Variants in PLXDC1 observed in about 807,000 individuals in gnomAD.
The protein encoded by PLXDC1 is plexin domain-containing protein 1.
PLXDC1 carries 39 observed loss-of-function variants against 61.3 expected under a neutral mutation model. The observed-to-expected ratio is 0.64, with a 90% CI of 0.49 to 0.83. The LOEUF (loss-of-function observed/expected upper bound fraction) is 0.83, where lower values mean the gene tolerates loss of function less well. PLXDC1 is among the 40% of genes least tolerant of loss of function. The pLI is 0.00. For synonymous variants in PLXDC1, 212 were observed against 254.5 expected, an observed-to-expected ratio of 0.83 and a Z score of 1.59; for missense variants, 596 against 666.5, an observed-to-expected ratio of 0.89 and a Z score of 1.17.
At chr17:39,146,948 A>AT (rs869300584) in intron 1 of PLXDC1, among the ~76,000 whole-genome samples, 1,159 of 74,416 alleles carry the variant, frequency 0.016, 24 homozygotes, top group Admixed American at 0.02. Flanking sequence ...ACAGGAAATG[A>AT]TTTTTTTTTT....
intron 9 of PLXDC1, 117 bp downstream of exon 9, chr17:39,083,342 G>A (rs1464893275): frequency 6.6e-5 from 51 of 770,552 alleles, no homozygotes; most frequent in Non-Finnish European, 3.4e-5. Context: ...AGTGGTACTG[G>A]CCAGAGATAC....
intron 7 of PLXDC1, 147 bp from the exon 8 acceptor site, chr17:39,087,849 G>A (rs1598190301): frequency 1.5e-6 from 1 of 649,960 alleles, no homozygotes; most frequent in East Asian, 2.7e-5. Context: ...TGGCGCTGCT[G>A]GAGACAGGGA....
At chr17:39,071,345 A>G (rs1367800475) in intron 12 of PLXDC1, among the ~76,000 whole-genome samples, 1 of 117,976 alleles carries the variant, frequency 8.5e-6, no homozygotes, top group Non-Finnish European at 1.6e-5. Flanking sequence ...GGCAACAAAA[A>G]TGTTGCATTC....
chr17:39,117,723 C>T (rs1911023258), intron 2 of PLXDC1, among the ~76,000 whole-genome samples: 1 of 152,196 alleles, frequency 6.6e-6, no homozygotes, highest in African/African-American at 2.4e-5. Flanking sequence ...GCCTGGGCAA[C>T]AGAGCAAGAC....
chr17:39,122,542 C>T (rs1485368197), intron 2 of PLXDC1, among the ~76,000 whole-genome samples: 1 of 152,186 alleles, frequency 6.6e-6, no homozygotes, highest in Non-Finnish European at 1.5e-5. Flanking sequence ...AGGCCCCCAA[C>T]ACCAGGCCAG....
chr17:39,063,558 G>A lies in PLXDC1; in HGVS notation c.*4282C>T, dbSNP rs1908787586. The A allele has an allele frequency of 1.4e-6, 1 of 695,788 alleles. No individual in the cohort carries two copies. The allele number at this position is 695,788 out of a possible 1,614,324, so 43.1% of individuals were successfully genotyped here. A position where few individuals can be genotyped will look rare whatever the true frequency, so the allele number is the denominator to read the frequency against. ...CCATCAGAACCAAGGTATGTGTGGT[G>A]ATCTTCGGAATGCCACTCCAAATCC... On this transcript the variant is annotated 3_prime_UTR_variant, in exon 14 of 14. Transcript: ENST00000315392.
At position 39,151,318 on chromosome 17, in the gene PLXDC1, C is replaced by T. The variant is rs2045371142; in HGVS notation, c.76+44G>A. On this transcript the variant is annotated intron_variant, in intron 1 of 13. Coordinates refer to ENST00000315392, the MANE Select transcript of PLXDC1 (RefSeq NM_020405.5). The surrounding 1 kb of genome is among the most constrained non-coding windows in gnomAD (Gnocchi z 5.2). ...CATGCCCACACCTGACTGCCCGTCC[C>T]TCCCCGCCCCCGGCCCACCCGGGCC... is the stretch of plus-strand genomic sequence containing the variant. 1 of 1,257,192 alleles carries T rather than the reference C, an allele frequency of 8.0e-7. No homozygotes were observed. Among genetic ancestry groups the T allele is most frequent in the Non-Finnish European group, 1.0e-6 (1 of 997,426 alleles). 77.9% of individuals were successfully genotyped at this position (1,257,192 alleles called of 1,614,324 possible). A position where few individuals can be genotyped will look rare whatever the true frequency, so the allele number is the denominator to read the frequency against.
intron 2 of PLXDC1, among the ~76,000 whole-genome samples, chr17:39,119,726 C>G (rs1408475954): frequency 2.0e-5 from 3 of 152,212 alleles, no homozygotes; most frequent in African/African-American, 7.2e-5. Flanking sequence ...GCCTGGGCGA[C>G]AGAGTGAGAC....
At chr17:39,082,415 A>T (rs1909594111) in intron 9 of PLXDC1, among the ~76,000 whole-genome samples, 1 of 152,142 alleles carries the variant, frequency 6.6e-6, no homozygotes, top group Non-Finnish European at 1.5e-5. Context: ...ATACAAAAAA[A>T]TTAGCTGGGT....
At chr17:39,091,514 G>A (rs1909949959) in intron 7 of PLXDC1, among the ~76,000 whole-genome samples, 1 of 152,132 alleles carries the variant, frequency 6.6e-6, no homozygotes. Context: ...GCAGATCAGG[G>A]AACTTGCTCC....
At chr17:39,104,612 T>C (rs1910531553) in intron 7 of PLXDC1, among the ~76,000 whole-genome samples, 1 of 152,026 alleles carries the variant, frequency 6.6e-6, no homozygotes, top group Non-Finnish European at 1.5e-5. Context: ...AGCAAGGCCC[T>C]GTCTCTACAA....
intron 2 of PLXDC1, among the ~76,000 whole-genome samples, chr17:39,132,343 T>C (rs1911593229): frequency 1.3e-5 from 2 of 151,938 alleles, no homozygotes; most frequent in African/African-American, 4.8e-5. Context: ...CCAGGATCTC[T>C]TGACTCAGCA....
chr17:39,088,681 C>G (rs1380280725), intron 7 of PLXDC1, among the ~76,000 whole-genome samples: 1 of 152,112 alleles, frequency 6.6e-6, no homozygotes, highest in East Asian at 1.9e-4. Context: ...TGGCTCATGC[C>G]TGTAATCCCA....
At chr17:39,109,161 C>A in intron 3 of PLXDC1, 87 bp downstream of exon 3, 3 of 1,510,138 alleles carry the variant, frequency 2.0e-6, no homozygotes, top group Non-Finnish European at 1.8e-6. Flanking sequence ...AGACCTCGGG[C>A]CACAGCCATG....
chr17:39,066,681 G>C lies in PLXDC1; in HGVS notation c.*1159C>G, dbSNP rs1418637831. Reference sequence around the variant, plus strand: ...GCTCACTGCAACCTCTGCCTCCCAGGTTCAAGTGATTCTCGTGTCTCAGCT... The same window carrying C: ...GCTCACTGCAACCTCTGCCTCCCAGCTTCAAGTGATTCTCGTGTCTCAGCT... On this transcript the variant is annotated 3_prime_UTR_variant, in exon 14 of 14. Coordinates refer to ENST00000315392, the MANE Select transcript of PLXDC1 (RefSeq NM_020405.5). 1 of 152,144 alleles carries C rather than the reference G, an allele frequency of 6.6e-6. No homozygotes were observed. Among genetic ancestry groups the C allele is most frequent in the African/African-American group, 2.4e-5 (1 of 41,420 alleles). The allele number at this position is 152,144 out of a possible 1,614,324, so 9.4% of individuals were successfully genotyped here.
intron 2 of PLXDC1, among the ~76,000 whole-genome samples, chr17:39,124,715 C>T (rs1287391066): frequency 6.6e-6 from 1 of 152,256 alleles, no homozygotes; most frequent in East Asian, 1.9e-4. Flanking sequence ...TAGGCAACTT[C>T]ACCTCTCTGT....
intron 11 of PLXDC1, among the ~76,000 whole-genome samples, chr17:39,075,615 A>G (rs1909297085): frequency 6.6e-6 from 1 of 152,188 alleles, no homozygotes; most frequent in Non-Finnish European, 1.5e-5. Flanking sequence ...GATTGTTGGG[A>G]GGACTGAATG....
chr17:39,110,419 A>C (rs1326122864), intron 2 of PLXDC1, among the ~76,000 whole-genome samples: 2 of 152,212 alleles, frequency 1.3e-5, no homozygotes, highest in African/African-American at 4.8e-5. Flanking sequence ...TCATTCTGCA[A>C]AGGCTCTCCT....
At chr17:39,150,565 C>T (rs1177197898) in intron 1 of PLXDC1, among the ~76,000 whole-genome samples, 5 of 152,152 alleles carry the variant, frequency 3.3e-5, no homozygotes, top group Admixed American at 2.0e-4. Context: ...AAAATTATAC[C>T]ATGAGGGATT....
Sources: allele counts gnomAD v4.1 joint callset (sites outside exome capture counted in the v4.1 genomes callset), GRCh38; gene constraint gnomAD v4.1.1; non-coding constraint Gnocchi (gnomAD v3.1); transcripts MANE v1.5; gene names NCBI Gene and HGNC (gene_info 2026-07-23, HGNC 2026-07-21).